The following IL1RAPL1 variants were observed in gnomAD, a reference collection of about 807,000 sequenced individuals.
IL1RAPL1 encodes interleukin 1 receptor accessory protein like 1, also known as interleukin-1 receptor accessory protein-like 1.
Under a neutral mutation model 48.4 loss-of-function variants are expected in IL1RAPL1, and 3 were observed. The observed-to-expected ratio is 0.06, with a 90% CI of 0.03 to 0.16. IL1RAPL1 has a LOEUF of 0.16. Among genes scored for constraint, IL1RAPL1 ranks in the 10% least tolerant of loss-of-function variants. The pLI is 1.00. For synonymous variants in IL1RAPL1, 185 were observed against 187.7 expected (o/e 0.99, Z 0.12); for missense variants, 349 against 530.6 (o/e 0.66, Z 3.36).
intron 6 of IL1RAPL1, among the ~76,000 whole-genome samples, chrX:29,784,225 A>G (rs187640552): frequency 1.4e-3 from 159 of 112,071 alleles, no homozygotes; most frequent in African/African-American, 4.6e-3. Flanking sequence ...TCACATAGTT[A>G]CTATTTGCCT....
chrX:29,608,569 G>A (rs1295878272), intron 5 of IL1RAPL1, among the ~76,000 whole-genome samples: 1 of 111,406 alleles, frequency 9.0e-6, no homozygotes, highest in Non-Finnish European at 1.9e-5. Flanking sequence ...GCTTATGCCT[G>A]TAATCCCAGC....
At chrX:29,244,820 T>A (rs770317005) in intron 2 of IL1RAPL1, among the ~76,000 whole-genome samples, 16 of 111,500 alleles carry the variant, frequency 1.4e-4, no homozygotes, top group Admixed American at 4.8e-4. Flanking sequence ...CCTTTTTTTT[T>A]AATCATACTC....
chrX:29,255,123 TTGTGTG>T (rs35193739), intron 2 of IL1RAPL1, among the ~76,000 whole-genome samples: 1 of 97,056 alleles, frequency 1.0e-5, no homozygotes, highest in Non-Finnish European at 2.0e-5. Context: ...ACTAAGGTAT[TTGTGTG>T]TGTGTGTGTG....
intron 5 of IL1RAPL1, among the ~76,000 whole-genome samples, chrX:29,425,745 A>ATT (rs752531653): frequency 8.6e-5 from 9 of 104,862 alleles, no homozygotes; most frequent in African/African-American, 2.4e-4. Flanking sequence ...ACAATCAGCT[A>ATT]TTTTTTTTTT....
chrX:29,597,171 G>C (rs1299343532), intron 5 of IL1RAPL1, among the ~76,000 whole-genome samples: 3 of 36,597 alleles, frequency 8.2e-5, no homozygotes, highest in Non-Finnish European at 5.2e-5. Context: ...TTTTTTTTTT[G>C]AGACTGAGTT....
chrX:29,221,916 C>T (rs989762857), intron 2 of IL1RAPL1, among the ~76,000 whole-genome samples: 1 of 105,994 alleles, frequency 9.4e-6, no homozygotes, highest in Non-Finnish European at 1.9e-5. Flanking sequence ...GAGGCTGAGG[C>T]AGGAGAATCG....
intron 1 of IL1RAPL1, among the ~76,000 whole-genome samples, chrX:28,703,846 C>T (rs1202362562): frequency 9.0e-6 from 1 of 111,514 alleles, no homozygotes; most frequent in Non-Finnish European, 1.9e-5. Context: ...ATGTCATTAC[C>T]ACTAGTCTTT....
chrX:28,687,737 G>C (rs1251150210), intron 1 of IL1RAPL1, among the ~76,000 whole-genome samples: 1 of 107,795 alleles, frequency 9.3e-6, no homozygotes, highest in Non-Finnish European at 1.9e-5. Flanking sequence ...AGCGGAGATT[G>C]CACCACTGCA....
At chrX:29,207,580 G>A (rs1029555150) in intron 2 of IL1RAPL1, among the ~76,000 whole-genome samples, 2 of 111,865 alleles carry the variant, frequency 1.8e-5, no homozygotes, top group African/African-American at 6.5e-5. Flanking sequence ...TCTTTCTTAC[G>A]AGTTTTAGTG....
intron 2 of IL1RAPL1, among the ~76,000 whole-genome samples, chrX:29,013,440 C>T (rs1356448082): frequency 9.0e-6 from 1 of 111,573 alleles, no homozygotes; most frequent in East Asian, 2.8e-4. Context: ...GCGCTATTCA[C>T]CATAGCAAAG....
At chrX:28,938,977 A>G (rs144355133) in intron 2 of IL1RAPL1, among the ~76,000 whole-genome samples, 109 of 109,912 alleles carry the variant, frequency 9.9e-4, no homozygotes, top group African/African-American at 3.4e-3. Flanking sequence ...ATGAGATACC[A>G]TCTCGTACCA....
chrX:29,639,160 TG>T (rs948757627), intron 5 of IL1RAPL1, among the ~76,000 whole-genome samples: 1 of 98,221 alleles, frequency 1.0e-5, no homozygotes, highest in Non-Finnish European at 2.0e-5. Flanking sequence ...CACTCCAGCA[TG>T]GGCGACAAAG....
At chrX:29,791,833 C>T (rs1304205200) in intron 6 of IL1RAPL1, among the ~76,000 whole-genome samples, 1 of 106,160 alleles carries the variant, frequency 9.4e-6, no homozygotes, top group Non-Finnish European at 1.9e-5. Context: ...CAGGTTCAAG[C>T]AGTTCTTCTG....
intron 5 of IL1RAPL1, among the ~76,000 whole-genome samples, chrX:29,648,106 T>C (rs1206333502): frequency 8.9e-6 from 1 of 111,971 alleles, no homozygotes; most frequent in Non-Finnish European, 1.9e-5. Context: ...GTAATGATTA[T>C]AGACATATAT....
chrX:28,619,733 A>G (rs148206680), intron 1 of IL1RAPL1, among the ~76,000 whole-genome samples: 2,127 of 111,450 alleles, frequency 0.019, 44 homozygotes, highest in African/African-American at 0.066. Context: ...TTCTCTTTAC[A>G]TGATTCATGC....
At chrX:29,585,716 G>C (rs944409044) in intron 5 of IL1RAPL1, among the ~76,000 whole-genome samples, 10 of 111,650 alleles carry the variant, frequency 9.0e-5, no homozygotes, top group African/African-American at 3.3e-4. Context: ...CATCATGACA[G>C]GTATGAGGTG....
At chrX:29,469,975 A>G (rs1158464172) in intron 5 of IL1RAPL1, among the ~76,000 whole-genome samples, 5 of 112,225 alleles carry the variant, frequency 4.5e-5, no homozygotes, top group African/African-American at 1.3e-4. Flanking sequence ...TGACTTCAAT[A>G]CTTCAGGAGA....
intron 1 of IL1RAPL1, among the ~76,000 whole-genome samples, chrX:28,666,361 G>T (rs1292981556): frequency 9.0e-6 from 1 of 111,649 alleles, no homozygotes; most frequent in African/African-American, 3.3e-5. Flanking sequence ...TGATGGATAT[G>T]GGAAAGCTGA....
At chrX:29,433,097 G>A (rs1475493903) in intron 5 of IL1RAPL1, among the ~76,000 whole-genome samples, 1 of 109,711 alleles carries the variant, frequency 9.1e-6, no homozygotes, top group Non-Finnish European at 1.9e-5. Context: ...CTTTTGGGGT[G>A]CCATAAACCC....
Sources: allele counts gnomAD v4.1 joint callset (sites outside exome capture counted in the v4.1 genomes callset), GRCh38; gene constraint gnomAD v4.1.1; transcripts MANE v1.5; gene names NCBI Gene and HGNC (gene_info 2026-07-23, HGNC 2026-07-21).